SNX25: variants seen among roughly 807,000 people sequenced by gnomAD.
The protein encoded by SNX25 is sorting nexin-25.
Under a neutral mutation model 113.7 loss-of-function variants are expected in SNX25, and 62 were observed. The ratio of observed to expected loss-of-function variants is 0.55; its 90% CI spans 0.44 to 0.67. SNX25 has a LOEUF of 0.67. Among genes scored for constraint, SNX25 ranks in the 30% least tolerant of loss-of-function variants. SNX25 has a pLI of 0.00. For missense variants in SNX25, 1,014 were observed against 1,161.0 expected (o/e 0.87, Z 1.84); for synonymous variants, 421 against 436.2 (o/e 0.97, Z 0.43).
At chr4:185,220,632 C>G (rs1357385351) in intron 1 of SNX25, among the ~76,000 whole-genome samples, 3 of 152,046 alleles carry the variant, frequency 2.0e-5, no homozygotes, top group Non-Finnish European at 4.4e-5. Flanking sequence ...GGGTGCCCAC[C>G]ACCACGCCTG....
intron 7 of SNX25, among the ~76,000 whole-genome samples, chr4:185,313,769 A>G (rs933182744): frequency 1.3e-5 from 2 of 152,174 alleles, no homozygotes; most frequent in Non-Finnish European, 2.9e-5. Flanking sequence ...ACATATAACT[A>G]TGGAGTCTCC....
chr4:185,264,019 T>TA (rs1311746776), intron 3 of SNX25, among the ~76,000 whole-genome samples: 6 of 152,208 alleles, frequency 3.9e-5, no homozygotes, highest in Admixed American at 1.3e-4. Context: ...GTAGACTTTT[T>TA]ATCCTATTAT....
chr4:185,280,891 C>G (rs1750469973), intron 5 of SNX25, among the ~76,000 whole-genome samples: 1 of 152,170 alleles, frequency 6.6e-6, no homozygotes, highest in African/African-American at 2.4e-5. Flanking sequence ...TATGGGGTTT[C>G]TGGACTCAGT....
At chr4:185,238,307 C>A (rs1247153639) in intron 1 of SNX25, among the ~76,000 whole-genome samples, 2 of 152,004 alleles carry the variant, frequency 1.3e-5, no homozygotes, top group Non-Finnish European at 2.9e-5. Flanking sequence ...AGCCTGTGTT[C>A]TTTCTCTTAA....
At chr4:185,220,551 G>A (rs144495054) in intron 1 of SNX25, among the ~76,000 whole-genome samples, 304 of 149,736 alleles carry the variant, frequency 2.0e-3, no homozygotes, top group Middle Eastern at 3.4e-3. Context: ...GTGCGATCGC[G>A]GCTTACTACA....
chr4:185,352,215 T>C (rs2095318961), intron 14 of SNX25, among the ~76,000 whole-genome samples: 1 of 152,214 alleles, frequency 6.6e-6, no homozygotes, highest in Admixed American at 6.5e-5. Flanking sequence ...CAGAGTAGGC[T>C]GTGCACTCCT....
chr4:185,261,702 A>C (rs1407428046), intron 3 of SNX25, among the ~76,000 whole-genome samples: 1 of 152,220 alleles, frequency 6.6e-6, no homozygotes, highest in Non-Finnish European at 1.5e-5. Flanking sequence ...AAGTGATTTA[A>C]TATTAGAAGC....
At chr4:185,319,919 C>T (rs1206541443) in intron 7 of SNX25, among the ~76,000 whole-genome samples, 1 of 152,114 alleles carries the variant, frequency 6.6e-6, no homozygotes, top group African/African-American at 2.4e-5. Context: ...ATCAAGACCA[C>T]GATGAGATAC....
intron 1 of SNX25, among the ~76,000 whole-genome samples, chr4:185,213,938 C>CTT (rs77831124): frequency 7.1e-6 from 1 of 140,252 alleles, no homozygotes; most frequent in Non-Finnish European, 1.6e-5. Flanking sequence ...TTACTAGATC[C>CTT]TTTTTTTTTT....
chr4:185,339,376 C>A lies in SNX25; in HGVS notation c.1915-3C>A. ...AACTCCCAGGATATTTTCCCTGTGG[C>A]AGATTGTTTCCAAGTTGAAGGATGA... On this transcript the variant is annotated splice_region_variant and splice_polypyrimidine_tract_variant and intron_variant, in intron 10 of 18. Coordinates refer to ENST00000652585, the MANE Select transcript of SNX25 (RefSeq NM_001378034.2). 1 of 1,613,344 alleles carries A rather than the reference C, an allele frequency of 6.2e-7. No individual in the cohort carries two copies.
intron 4 of SNX25, 86 bp from the exon 5 acceptor site, chr4:185,266,883 A>T: frequency 7.4e-7 from 1 of 1,353,854 alleles, no homozygotes; most frequent in Non-Finnish European, 1.0e-6. Context: ...AATGTTTCCC[A>T]AATGTAGTCT....
chr4:185,241,354 T>C (rs1743955123), intron 1 of SNX25, among the ~76,000 whole-genome samples: 1 of 151,594 alleles, frequency 6.6e-6, no homozygotes, highest in Non-Finnish European at 1.5e-5. Flanking sequence ...GGCGCGCGCC[T>C]GCAATCGCAG....
At chr4:185,326,769 A>T (rs977561570) in intron 9 of SNX25, among the ~76,000 whole-genome samples, 2 of 152,232 alleles carry the variant, frequency 1.3e-5, no homozygotes, top group Non-Finnish European at 2.9e-5. Flanking sequence ...TCAATTTTTA[A>T]TAAACCTGTA....
downstream of SNX25, among the ~76,000 whole-genome samples, chr4:185,368,318 C>G (rs374596438): frequency 2.0e-4 from 31 of 152,304 alleles, no homozygotes; most frequent in Non-Finnish European, 3.8e-4. Context: ...CCCTGCCTGA[C>G]GGTGGCAGAG....
chr4:185,317,447 G>C lies in SNX25; in HGVS notation c.1345-3286G>C, dbSNP rs1168005740. Among the ~76,000 whole-genome samples the C allele has an allele frequency of 2.0e-5, 3 of 152,112 alleles. No homozygotes were observed. In the South Asian group the frequency reaches 6.2e-4, roughly 32 times the overall value. On this transcript the variant is annotated intron_variant, in intron 7 of 18. Coordinates refer to ENST00000652585, the MANE Select transcript of SNX25 (RefSeq NM_001378034.2). ...AAGGATCTAGAACCAGAAATACCCT[G>C]TGACCCAGCAATACTGTTACTGGGT...
downstream of SNX25, chr4:185,370,706 T>C: frequency 6.2e-7 from 1 of 1,614,074 alleles, no homozygotes; most frequent in Non-Finnish European, 8.5e-7. Flanking sequence ...GAAGACACCT[T>C]GCGTGGTAGA....
At chr4:185,256,230 C>G (rs1746404421) in intron 2 of SNX25, among the ~76,000 whole-genome samples, 1 of 152,084 alleles carries the variant, frequency 6.6e-6, no homozygotes, top group Non-Finnish European at 1.5e-5. Flanking sequence ...ATTAATTGTT[C>G]TCAGCTGGAA....
intron 6 of SNX25, among the ~76,000 whole-genome samples, chr4:185,291,383 G>C (rs1202454959): frequency 6.6e-6 from 1 of 152,124 alleles, no homozygotes; most frequent in East Asian, 1.9e-4. Flanking sequence ...CCCTCAGCCC[G>C]TGACAACCAC....
At chr4:185,320,200 A>G (rs2095108699) in intron 7 of SNX25, among the ~76,000 whole-genome samples, 1 of 152,226 alleles carries the variant, frequency 6.6e-6, no homozygotes. Flanking sequence ...AGCACTGTTT[A>G]CAATAGCAAA....
Sources: allele counts gnomAD v4.1 joint callset (sites outside exome capture counted in the v4.1 genomes callset), GRCh38; gene constraint gnomAD v4.1.1; transcripts MANE v1.5; gene names NCBI Gene and HGNC (gene_info 2026-07-23, HGNC 2026-07-21).